Variants in TMCO5A observed in about 807,000 individuals in gnomAD.
TMCO5A encodes transmembrane and coiled-coil domains 5A, also known as transmembrane and coiled-coil domain-containing protein 5A.
In TMCO5A, 34 loss-of-function variants were observed where a neutral mutation model predicts 42.3. The observed-to-expected ratio is 0.80, with a 90% CI of 0.61 to 1.07. TMCO5A has a LOEUF of 1.07. Ranked by LOEUF, TMCO5A falls within the 50% of genes least tolerant of loss-of-function variation. The probability of loss-of-function intolerance (pLI) is 0.00; values close to 1 mark genes in which losing one functional copy is unlikely to be tolerated. For synonymous variants in TMCO5A, 131 were observed against 115.6 expected (o/e 1.13, Z -0.86); for missense variants, 357 against 327.9 (o/e 1.09, Z -0.69).
chr15:38,032,450 A>C, the TMCO5A span, among the ~76,000 whole-genome samples: 1 of 152,232 alleles, frequency 6.6e-6, no homozygotes, highest in South Asian at 2.1e-4. Flanking sequence ...ATGCTACGTA[A>C]AGGGGCAAAA....
At position 37,937,368 on chromosome 15, in the gene TMCO5A, T is replaced by G; in HGVS notation, c.287T>G (p.Val96Gly). The G allele has an allele frequency of 6.2e-7, 1 of 1,613,122 alleles. No individual in the cohort carries two copies. Among genetic ancestry groups the G allele is most frequent in the African/African-American group, 1.3e-5 (1 of 74,956 alleles). ...CAGGAAAGGAAGAATAAGACGTTGGTCCACAGTATAACAGAACTTCAACAA... is the reference window on the plus strand; with the variant it reads ...CAGGAAAGGAAGAATAAGACGTTGGGCCACAGTATAACAGAACTTCAACAA... ...ARLERKNKTL[V>G]HSITELQQKL... Residue 96 changes from valine (V) to glycine (G), a missense_variant, in exon 5 of 12, where the codon GTC becomes GGC. Coordinates refer to ENST00000319669, the MANE Select transcript of TMCO5A (RefSeq NM_152453.4).
At chr15:37,991,922 CA>C in the TMCO5A span, among the ~76,000 whole-genome samples, 1 of 152,052 alleles carries the variant, frequency 6.6e-6, no homozygotes, top group African/African-American at 2.4e-5. Context: ...ACAATCTAGG[CA>C]ATAGTATTTT....
the TMCO5A span, among the ~76,000 whole-genome samples, chr15:38,026,093 G>A: frequency 3.3e-5 from 5 of 152,204 alleles, no homozygotes; most frequent in Admixed American, 2.0e-4. Context: ...TACCAGTGGA[G>A]TGGGGTATTG....
chr15:37,942,163 C>T lies in TMCO5A; in HGVS notation c.505-28C>T, dbSNP rs944577778. On this transcript the variant is annotated intron_variant, in intron 8 of 11. Coordinates refer to ENST00000319669, the MANE Select transcript of TMCO5A (RefSeq NM_152453.4). ...AAATTGTAAACCTTCTAAGTAGTAA[C>T]TGTGGCTTTCTTTGTTTCTCTTTGA... is the stretch of plus-strand genomic sequence containing the variant. The T allele has an allele frequency of 2.5e-6, 4 of 1,606,276 alleles. No individual in the cohort carries two copies. The African/African-American group carries it at 5.4e-5, about 22-fold the overall frequency.
the TMCO5A span, among the ~76,000 whole-genome samples, chr15:38,005,789 T>C: frequency 1.1e-4 from 17 of 152,018 alleles, no homozygotes; most frequent in Middle Eastern, 3.4e-3. Context: ...AAACCAGGAG[T>C]CTTCTTAACA....
In TMCO5A at chr15:37,943,392, T is replaced by G. The variant is rs562629333; in HGVS notation, c.621T>G (p.Asn207Lys). 1 of 1,612,288 alleles carries G rather than the reference T, an allele frequency of 6.2e-7. No homozygotes were observed. Among genetic ancestry groups the G allele is most frequent in the African/African-American group, 1.3e-5 (1 of 74,958 alleles). Reference sequence around the variant, plus strand: ...TGGAAAAAGAGCATACCAGCCAAAATAATGAGGTAAACACTCCATTCTCTC... The same window carrying G: ...TGGAAAAAGAGCATACCAGCCAAAAGAATGAGGTAAACACTCCATTCTCTC... ...NPVEKEHTSQNNEGTPTQKTA... is the reference protein window; with the variant it reads ...NPVEKEHTSQKNEGTPTQKTA... The change falls in exon 10 of 12, where the codon AAT becomes AAG. Residue 207 changes from asparagine (N) to lysine (K), a missense_variant. Physicochemically the swap from Asn to Lys is moderately conservative, Grantham distance 94. Transcript: ENST00000319669.
the TMCO5A span, among the ~76,000 whole-genome samples, chr15:37,991,049 T>G: frequency 1.3e-5 from 2 of 152,096 alleles, no homozygotes; most frequent in Non-Finnish European, 2.9e-5. Flanking sequence ...AATCAAAGTT[T>G]CCATAATACT....
At chr15:37,987,375 A>G in the TMCO5A span, among the ~76,000 whole-genome samples, 1 of 151,934 alleles carries the variant, frequency 6.6e-6, no homozygotes, top group Non-Finnish European at 1.5e-5. Context: ...TTTTGAGGCC[A>G]AAAGTTTTTA....
the TMCO5A span, among the ~76,000 whole-genome samples, chr15:37,983,973 T>C: frequency 6.6e-6 from 1 of 152,132 alleles, no homozygotes; most frequent in African/African-American, 2.4e-5. Flanking sequence ...CCTCAGGTGA[T>C]CCACCCACCT....
At chr15:37,993,050 T>C in the TMCO5A span, among the ~76,000 whole-genome samples, 1 of 152,194 alleles carries the variant, frequency 6.6e-6, no homozygotes, top group African/African-American at 2.4e-5. Context: ...ATGATATTTT[T>C]TAGCTCCAAA....
chr15:37,959,299 C>G (rs1024214888), intron 11 of TMCO5A, among the ~76,000 whole-genome samples: 1 of 151,776 alleles, frequency 6.6e-6, no homozygotes, highest in East Asian at 1.9e-4. Context: ...AATACCAATC[C>G]TATTCAAACT....
At chr15:38,008,855 C>G in the TMCO5A span, among the ~76,000 whole-genome samples, 2 of 152,180 alleles carry the variant, frequency 1.3e-5, no homozygotes, top group Non-Finnish European at 2.9e-5. Flanking sequence ...CACCTGCACA[C>G]CTGTGCAGGC....
At chr15:37,968,922 T>A (rs967538905), downstream of TMCO5A, among the ~76,000 whole-genome samples, 1 of 152,200 alleles carries the variant, frequency 6.6e-6, no homozygotes, top group Non-Finnish European at 1.5e-5. Flanking sequence ...GAATGATAAG[T>A]TCATATTGCT....
At chr15:38,024,460 C>G in the TMCO5A span, among the ~76,000 whole-genome samples, 1 of 152,316 alleles carries the variant, frequency 6.6e-6, no homozygotes, top group South Asian at 2.1e-4. Context: ...TTGACTCACC[C>G]TGTTCCATTT....
At chr15:37,944,383 C>T (rs933751254) in intron 10 of TMCO5A, 1 of 152,088 alleles carries the variant, frequency 6.6e-6, no homozygotes, top group East Asian at 1.9e-4. Context: ...TTCCTTCTAA[C>T]TATGTGTCAG....
At chr15:37,949,365 T>C (rs919211663) in intron 11 of TMCO5A, among the ~76,000 whole-genome samples, 2 of 152,092 alleles carry the variant, frequency 1.3e-5, no homozygotes, top group African/African-American at 4.8e-5. Context: ...ATATACTCTA[T>C]ATGGAAGAAT....
the TMCO5A span, among the ~76,000 whole-genome samples, chr15:38,007,018 T>C: frequency 6.6e-6 from 1 of 152,096 alleles, no homozygotes; most frequent in Admixed American, 6.6e-5. Context: ...TATTCAGCAA[T>C]GCTAAAATTT....
At chr15:37,946,836 G>T (rs1595595689) in intron 10 of TMCO5A, among the ~76,000 whole-genome samples, 1 of 152,014 alleles carries the variant, frequency 6.6e-6, no homozygotes, top group Non-Finnish European at 1.5e-5. Flanking sequence ...TATTTGAATA[G>T]CCTTTATTTC....
At chr15:37,981,105 TG>T in the TMCO5A span, among the ~76,000 whole-genome samples, 1 of 150,100 alleles carries the variant, frequency 6.7e-6, no homozygotes, top group Admixed American at 6.7e-5. Context: ...TAAAGGTAAA[TG>T]TTGACTGCAT....
Sources: gnomAD v4.1 joint callset for allele counts (sites outside exome capture counted in the v4.1 genomes callset) on GRCh38, gnomAD v4.1.1 for gene constraint, MANE v1.5 for transcripts, NCBI Gene and HGNC (gene_info 2026-07-23, HGNC 2026-07-21) for gene names.